ARPC2: variants seen among roughly 807,000 people sequenced by gnomAD.
The protein encoded by ARPC2 is actin related protein 2/3 complex subunit 2, also known as actin-related protein 2/3 complex subunit 2.
In ARPC2, 4 loss-of-function variants were observed where a neutral mutation model predicts 38.6. The observed-to-expected ratio is 0.10, with a 90% confidence interval of 0.05 to 0.24. The LOEUF (loss-of-function observed/expected upper bound fraction) is 0.24. Among genes scored for constraint, ARPC2 ranks in the 10% least tolerant of loss-of-function variants. ARPC2 has a pLI of 1.00. For missense variants in ARPC2, 229 were observed against 387.3 expected (o/e 0.59, Z 3.43); for synonymous variants, 125 against 140.8 (o/e 0.89, Z 0.79).
chr2:218,251,307 G>A (rs1004175182), intron 10 of ARPC2, among the ~76,000 whole-genome samples: 4 of 152,222 alleles, frequency 2.6e-5, no homozygotes, highest in African/African-American at 7.2e-5. Context: ...TGCCTCCTGG[G>A]TTCAAGCAAT....
intron 7 of ARPC2, among the ~76,000 whole-genome samples, chr2:218,242,289 G>A (rs1008410111): frequency 2.6e-4 from 39 of 152,316 alleles, no homozygotes; most frequent in Middle Eastern, 3.4e-3. Context: ...AAAGCAATAG[G>A]ACCAGTAATT....
At chr2:218,232,829 G>C (rs923347526) in intron 4 of ARPC2, among the ~76,000 whole-genome samples, 1 of 151,946 alleles carries the variant, frequency 6.6e-6, no homozygotes, top group Non-Finnish European at 1.5e-5. Flanking sequence ...CCCCGCCTCG[G>C]CCTCCCAAAG....
intron 3 of ARPC2, among the ~76,000 whole-genome samples, chr2:218,228,351 C>T (rs971178404): frequency 6.6e-6 from 1 of 151,482 alleles, no homozygotes; most frequent in Admixed American, 6.6e-5. Flanking sequence ...TGCAGTGAGC[C>T]GAGACCACAC....
chr2:218,227,953 G>C (rs972585569), intron 3 of ARPC2, among the ~76,000 whole-genome samples: 2 of 152,132 alleles, frequency 1.3e-5, no homozygotes, highest in African/African-American at 4.8e-5. Context: ...CATGACACTA[G>C]TATCATGGTT....
chr2:218,226,049 C>G, intron 3 of ARPC2, 95 bp downstream of exon 3: 2 of 1,284,424 alleles, frequency 1.6e-6, no homozygotes, highest in Non-Finnish European at 2.2e-6. Context: ...AATCCCAGCA[C>G]TTTGGGAGTC....
intron 7 of ARPC2, 53 bp downstream of exon 7, chr2:218,239,537 C>T (rs1361887249): frequency 1.9e-5 from 27 of 1,399,624 alleles, no homozygotes; most frequent in Non-Finnish European, 2.4e-5. Flanking sequence ...TATACCTTTG[C>T]ACCCAAACAT....
chr2:218,231,064 A>G (rs1239130265), intron 4 of ARPC2, among the ~76,000 whole-genome samples: 1 of 152,148 alleles, frequency 6.6e-6, no homozygotes, highest in Non-Finnish European at 1.5e-5. Flanking sequence ...AGCAGAGTGC[A>G]CAGTAAATGG....
intron 4 of ARPC2, among the ~76,000 whole-genome samples, chr2:218,230,019 G>GTA (rs1489986433): frequency 1.3e-5 from 2 of 151,524 alleles, no homozygotes; most frequent in Non-Finnish European, 2.9e-5. Context: ...GCCCCAGGCT[G>GTA]TACTGCAGTG....
At chr2:218,231,930 C>T (rs1004969012) in intron 4 of ARPC2, among the ~76,000 whole-genome samples, 5 of 151,570 alleles carry the variant, frequency 3.3e-5, no homozygotes, top group Non-Finnish European at 7.4e-5. Context: ...GTAGTGAGAC[C>T]CTGTCTTTGT....
At chr2:218,228,629 C>T (rs544376945) in intron 3 of ARPC2, 109 bp from the exon 4 acceptor site, 4 of 567,062 alleles carry the variant, frequency 7.1e-6, no homozygotes, top group East Asian at 6.1e-5. Flanking sequence ...ATTTTACTTA[C>T]ATGCCTCCTT....
intron 4 of ARPC2, 113 bp downstream of exon 4, chr2:218,228,963 C>T: frequency 1.5e-6 from 1 of 652,192 alleles, no homozygotes; most frequent in South Asian, 1.7e-5. Flanking sequence ...TACTTGCTCA[C>T]CTAACTAGGG....
At chr2:218,219,376 G>A (rs996422691) in intron 2 of ARPC2, among the ~76,000 whole-genome samples, 16 of 145,270 alleles carry the variant, frequency 1.1e-4, no homozygotes, top group Middle Eastern at 3.5e-3. Context: ...TTTTTTTTCC[G>A]AGACAGAGTC....
intron 3 of ARPC2, among the ~76,000 whole-genome samples, chr2:218,227,843 C>A (rs1261518408): frequency 6.6e-6 from 1 of 152,110 alleles, no homozygotes; most frequent in African/African-American, 2.4e-5. Flanking sequence ...CCACCCACCT[C>A]GGCCTCCCAA....
chr2:218,217,401 C>G, intron 1 of ARPC2, 62 bp from the exon 2 acceptor site: 2 of 1,538,528 alleles, frequency 1.3e-6, no homozygotes, highest in Non-Finnish European at 1.8e-6. Context: ...GGGCCGCTCC[C>G]TCCGTCCTTG....
Position 218,250,012 on chromosome 2 carries a change from C to T in ARPC2, c.878+91C>T, listed in dbSNP as rs1226728507. 4 of 1,121,134 alleles carry T rather than the reference C, an allele frequency of 3.6e-6. No homozygotes were observed. In the African/African-American group the frequency reaches 6.3e-5, roughly 18 times the overall value. The allele number at this position is 1,121,134 out of a possible 1,614,324, so 69.4% of individuals were successfully genotyped here. A position where few individuals can be genotyped will look rare whatever the true frequency, so the allele number is the denominator to read the frequency against. Reference sequence around the variant, plus strand: ...GCTGGTGGCCTGGTCCTCCATGTATCTGGGCACTGGCTACATATGAGGTCA... The same window carrying T: ...GCTGGTGGCCTGGTCCTCCATGTATTTGGGCACTGGCTACATATGAGGTCA... On this transcript the variant is annotated intron_variant, in intron 10 of 10. Coordinates refer to ENST00000315717, the MANE Select transcript of ARPC2 (RefSeq NM_152862.3).
chr2:218,239,711 A>T (rs570828601), intron 7 of ARPC2: 331 of 488,632 alleles, frequency 6.8e-4, no homozygotes, highest in African/African-American at 3.3e-3. Context: ...CTCCTGCCTC[A>T]ACCTCCTGAG....
At chr2:218,242,127 C>T (rs1432533922) in intron 7 of ARPC2, among the ~76,000 whole-genome samples, 2 of 152,164 alleles carry the variant, frequency 1.3e-5, no homozygotes, top group African/African-American at 2.4e-5. Context: ...TCAAGTCTTG[C>T]TTTTGTCATT....
intron 3 of ARPC2, among the ~76,000 whole-genome samples, chr2:218,228,006 T>G (rs1689544383): frequency 6.6e-6 from 1 of 152,210 alleles, no homozygotes; most frequent in South Asian, 2.1e-4. Context: ...CAAAGATATA[T>G]TCTGAGTATT....
chr2:218,240,170 G>A (rs569027742), intron 7 of ARPC2, among the ~76,000 whole-genome samples: 1 of 151,458 alleles, frequency 6.6e-6, no homozygotes, highest in African/African-American at 2.4e-5. Context: ...GGCCAGGATG[G>A]TCTCAATCTC....
Sources: gnomAD v4.1 joint callset for allele counts (sites outside exome capture counted in the v4.1 genomes callset) on GRCh38, gnomAD v4.1.1 for gene constraint, MANE v1.5 for transcripts, NCBI Gene and HGNC (gene_info 2026-07-23, HGNC 2026-07-21) for gene names.